POLN: variants seen among roughly 807,000 people sequenced by gnomAD.
POLN encodes DNA polymerase N.
POLN carries 108 observed loss-of-function variants against 113.5 expected under a neutral mutation model. That is an observed-to-expected ratio of 0.95 (90% CI 0.81 to 1.12). POLN has a LOEUF of 1.12. Among genes scored for constraint, POLN ranks in the 50% most tolerant of loss-of-function variants. The probability of loss-of-function intolerance (pLI) is 0.00; values close to 1 mark genes in which losing one functional copy is unlikely to be tolerated. For missense variants in POLN, 1,097 were observed against 1,077.1 expected (o/e 1.02, Z -0.26); for synonymous variants, 386 against 391.5 (o/e 0.99, Z 0.17).
chr4:2,087,277 T>C (rs1411527568), intron 20 of POLN, among the ~76,000 whole-genome samples: 3 of 152,254 alleles, frequency 2.0e-5, no homozygotes, highest in Admixed American at 6.5e-5. Context: ...AAGTTATGTG[T>C]TTTGCTACAC....
intron 8 of POLN, among the ~76,000 whole-genome samples, chr4:2,178,736 TGAGTAGCTG>T (rs1733056295): frequency 6.6e-6 from 1 of 151,966 alleles, no homozygotes; most frequent in African/African-American, 2.4e-5. Flanking sequence ...CTCAGCCTCC[TGAGTAGCTG>T]GAACTACAGG....
chr4:2,195,610 A>C (rs1049895506), intron 6 of POLN, among the ~76,000 whole-genome samples: 1 of 151,844 alleles, frequency 6.6e-6, no homozygotes, highest in Admixed American at 6.6e-5. Context: ...CAGCCTCTAG[A>C]GTAGCTGGAA....
At chr4:2,226,605 C>T (rs573360680) in intron 3 of POLN, among the ~76,000 whole-genome samples, 3 of 152,210 alleles carry the variant, frequency 2.0e-5, no homozygotes, top group South Asian at 4.1e-4. Context: ...ATACTTGTTT[C>T]AAGAAGATAT....
chr4:2,169,539 G>A lies in POLN; in HGVS notation c.1554+1140C>T, dbSNP rs73796533. Among the ~76,000 whole-genome samples, 345 of 152,200 alleles carry A rather than the reference G, an allele frequency of 2.3e-3. 1 individual carries two copies. The highest frequency in any genetic ancestry group is 7.8e-3 in the African/African-American group (323 of 41,512). On this transcript the variant is annotated intron_variant, in intron 13 of 25. Coordinates refer to ENST00000511885, the MANE Select transcript of POLN (RefSeq NM_181808.4). Reference sequence around the variant, plus strand: ...TTTTGAGAGCTTTTACGTCTGGCACGGTCCTAAGTGCTGTTTCACACAGAC... The same window carrying A: ...TTTTGAGAGCTTTTACGTCTGGCACAGTCCTAAGTGCTGTTTCACACAGAC...
intron 20 of POLN, chr4:2,089,955 T>C (rs1730628511): frequency 4.2e-6 from 4 of 962,940 alleles, no homozygotes; most frequent in Middle Eastern, 3.1e-4. Context: ...AAAGTTCTTT[T>C]GTTAACCTAC....
intron 4 of POLN, among the ~76,000 whole-genome samples, chr4:2,209,314 T>C (rs1733932441): frequency 6.6e-6 from 1 of 151,588 alleles, no homozygotes; most frequent in African/African-American, 2.4e-5. Flanking sequence ...ACCTCGTCTC[T>C]ACTAAGAATA....
intron 4 of POLN, among the ~76,000 whole-genome samples, chr4:2,211,295 T>G (rs905544168): frequency 1.4e-5 from 2 of 143,886 alleles, no homozygotes; most frequent in African/African-American, 2.7e-5. Context: ...ATAATAATAA[T>G]AATAAGAGGA....
In POLN at chr4:2,211,748, G is replaced by A. The variant is rs529228778; in HGVS notation, c.213+1299C>T. On this transcript the variant is annotated intron_variant, in intron 4 of 25. Transcript: ENST00000511885. ...GCATGGTTGCAGAGGTGGAGGTAGA[G>A]ATTGCAGTGAGCTGTGATCACACCA... 2.0e-5 allele frequency among the ~76,000 whole-genome samples: 3 copies of A among 152,254 alleles called. No individual in the cohort carries two copies. The South Asian group carries it at 6.2e-4, about 32-fold the overall frequency.
At chr4:2,131,413 A>G (rs1731726182) in intron 16 of POLN, 123 bp from the exon 17 acceptor site, 1 of 628,058 alleles carries the variant, frequency 1.6e-6, no homozygotes, top group Non-Finnish European at 2.7e-6. Flanking sequence ...TAACATGCAT[A>G]AGCACATTAA....
At chr4:2,184,101 G>A (rs1024106260) in intron 7 of POLN, among the ~76,000 whole-genome samples, 5 of 150,202 alleles carry the variant, frequency 3.3e-5, no homozygotes, top group Non-Finnish European at 7.4e-5. Context: ...TGATCCACTC[G>A]TCTCCGCCTC....
chr4:2,212,491 C>T (rs557924398), intron 4 of POLN, among the ~76,000 whole-genome samples: 2 of 152,310 alleles, frequency 1.3e-5, no homozygotes, highest in African/African-American at 4.8e-5. Flanking sequence ...CCTCCAGCCT[C>T]AGCCTCCTGA....
intron 13 of POLN, among the ~76,000 whole-genome samples, chr4:2,163,710 G>A (rs972507285): frequency 3.3e-5 from 5 of 152,234 alleles, no homozygotes; most frequent in Non-Finnish European, 5.9e-5. Flanking sequence ...CTGACTCGTG[G>A]GATCAGCTGT....
chr4:2,166,903 C>G (rs144558143), intron 13 of POLN, among the ~76,000 whole-genome samples: 89 of 152,254 alleles, frequency 5.8e-4, no homozygotes, highest in African/African-American at 2.0e-3. Flanking sequence ...ACTGCGTGAA[C>G]CAATGTCCCT....
Position 2,239,976 on chromosome 4 carries a change from A to G in POLN, c.-13+1544T>C, listed in dbSNP as rs142305888. The stretch of plus-strand genomic sequence containing the variant: ...CATTCTAAAGTACTTTAACAGCAAT[A>G]TTATCTCCTCTATTCCTAACAATAA... On this transcript the variant is annotated intron_variant, in intron 2 of 25. Coordinates refer to ENST00000511885, the MANE Select transcript of POLN (RefSeq NM_181808.4). 3.3e-4 allele frequency: 428 copies of G among 1,306,778 alleles called. 2 individuals are homozygous for G. In the African/African-American group the frequency reaches 5.3e-3, roughly 16 times the overall value. The allele number at this position is 1,306,778 out of a possible 1,614,324, so 80.9% of individuals were successfully genotyped here.
intron 19 of POLN, among the ~76,000 whole-genome samples, chr4:2,121,892 C>T (rs1265893490): frequency 2.6e-5 from 4 of 151,458 alleles, no homozygotes; most frequent in African/African-American, 9.7e-5. Flanking sequence ...GTTTCTTTTG[C>T]TCTTCTTTTT....
At chr4:2,113,385 A>G (rs1426035364) in intron 19 of POLN, among the ~76,000 whole-genome samples, 1 of 151,308 alleles carries the variant, frequency 6.6e-6, no homozygotes, top group Non-Finnish European at 1.5e-5. Context: ...TTAAAGTATA[A>G]TAATAATAAT....
chr4:2,236,376 T>C (rs1734766572), intron 2 of POLN: 2 of 1,613,580 alleles, frequency 1.2e-6, no homozygotes, highest in Non-Finnish European at 1.7e-6. Context: ...CTGTTTCAAT[T>C]TCTCAGCCAC....
intron 7 of POLN, among the ~76,000 whole-genome samples, chr4:2,187,910 A>G (rs184540184): frequency 2.0e-5 from 3 of 152,184 alleles, no homozygotes; most frequent in African/African-American, 7.2e-5. Context: ...TAGGAGTTCA[A>G]CAGCAGCCAG....
chr4:2,187,243 TTTTG>T (rs60252914), intron 7 of POLN, among the ~76,000 whole-genome samples: 2 of 151,550 alleles, frequency 1.3e-5, no homozygotes, highest in Admixed American at 6.6e-5. Flanking sequence ...TGTTTGTTTG[TTTTG>T]TTTGTTTGTT....
Sources: allele counts gnomAD v4.1 joint callset (sites outside exome capture counted in the v4.1 genomes callset), GRCh38; gene constraint gnomAD v4.1.1; transcripts MANE v1.5; gene names NCBI Gene and HGNC (gene_info 2026-07-23, HGNC 2026-07-21).